The following OSCP1 variants were observed in gnomAD, a reference collection of about 807,000 sequenced individuals.
OSCP1 encodes organic solute carrier partner 1.
OSCP1 carries 35 observed loss-of-function variants against 45.1 expected under a neutral mutation model. The observed-to-expected ratio is 0.78, with a 90% CI of 0.59 to 1.03. The LOEUF (loss-of-function observed/expected upper bound fraction) is 1.03. Among genes scored for constraint, OSCP1 ranks in the 50% least tolerant of loss-of-function variants. OSCP1 has a pLI of 0.00. For synonymous variants in OSCP1, 179 were observed against 180.1 expected (o/e 0.99, Z 0.05); for missense variants, 400 against 470.7 (o/e 0.85, Z 1.39).
Position 36,418,155 on chromosome 1 carries a change from A to C in OSCP1, c.1124T>G (p.Met375Arg). The C allele has an allele frequency of 6.2e-7, 1 of 1,614,122 alleles. No individual in the cohort carries two copies. The highest frequency in any genetic ancestry group is 8.5e-7 in the Non-Finnish European group (1 of 1,179,980). ...TCAGAACAGCTATAACTCATCCATC[A>C]TGGCGAGCAAATCGTCCCCTTTGCT... ...STSKGDDLLA[M>R]MDEL is the part of the protein sequence containing the mutation. Residue 375 changes from methionine (M) to arginine (R), a missense_variant, in exon 10 of 10, where the codon ATG becomes AGG. Met to Arg is a moderately conservative substitution (Grantham distance 91). Transcript: ENST00000235532.
At chr1:36,420,354 G>A in intron 8 of OSCP1, 122 bp downstream of exon 8, 2 of 1,182,528 alleles carry the variant, frequency 1.7e-6, no homozygotes, top group Non-Finnish European at 2.4e-6. Flanking sequence ...AAATTTGTTG[G>A]TATTTTATTT....
intron 2 of OSCP1, among the ~76,000 whole-genome samples, chr1:36,436,526 C>G (rs1648754478): frequency 6.6e-6 from 1 of 152,154 alleles, no homozygotes; most frequent in Non-Finnish European, 1.5e-5. Flanking sequence ...CAGGCATACG[C>G]CATTACACCT....
At chr1:36,445,813 C>A (rs1649487153) in intron 1 of OSCP1, among the ~76,000 whole-genome samples, 1 of 152,052 alleles carries the variant, frequency 6.6e-6, no homozygotes, top group African/African-American at 2.4e-5. Context: ...TTCCCAGGTT[C>A]AAGCGATTCT....
intron 9 of OSCP1, 143 bp from the exon 10 acceptor site, chr1:36,418,398 C>T: frequency 1.5e-6 from 1 of 674,564 alleles, no homozygotes. Context: ...ATTGTAGTTA[C>T]AGGCTGATCA....
intron 4 of OSCP1, 50 bp from the exon 5 acceptor site, chr1:36,423,516 C>T (rs1223447747): frequency 2.1e-6 from 3 of 1,415,676 alleles, no homozygotes; most frequent in Non-Finnish European, 9.9e-7. Context: ...TTTTCATAGA[C>T]ATCAATATTC....
chr1:36,444,806 A>T (rs566701987), intron 1 of OSCP1, among the ~76,000 whole-genome samples: 15 of 152,222 alleles, frequency 9.9e-5, no homozygotes, highest in Non-Finnish European at 2.1e-4. Context: ...CAACTTGTTT[A>T]ACCTCAGTTT....
At chr1:36,444,020 C>A in intron 1 of OSCP1, 1 of 1,613,758 alleles carries the variant, frequency 6.2e-7, no homozygotes, top group African/African-American at 1.3e-5. Flanking sequence ...TTCTGTCCAC[C>A]TCTGTCCATT....
intron 9 of OSCP1, 146 bp downstream of exon 9, chr1:36,418,845 T>C: frequency 4.6e-6 from 3 of 647,878 alleles, no homozygotes; most frequent in Non-Finnish European, 8.0e-6. Context: ...TGAGAATTGC[T>C]TAAACCTGGG....
rs1220875284 is a variant in OSCP1, at chr1:36,447,103, C to A, written c.112+3155G>T. Among the ~76,000 whole-genome samples, 1 of 152,138 alleles carries A rather than the reference C, an allele frequency of 6.6e-6. No individual in the cohort carries two copies. The highest frequency in any genetic ancestry group is 2.4e-5 in the African/African-American group (1 of 41,416). Reference sequence around the variant, plus strand: ...ATCTAGAAGAAATATGATTTCCACTCAAAGCTTCGAAGAGGACTAGTTTAC... The same window carrying A: ...ATCTAGAAGAAATATGATTTCCACTAAAAGCTTCGAAGAGGACTAGTTTAC... On this transcript the variant is annotated intron_variant, in intron 1 of 9. Transcript: ENST00000235532. This position sits in a 1 kb window ranked among gnomAD's most constrained non-coding sequence, Gnocchi z 4.1.
At chr1:36,419,397 CTT>C (rs1292950408) in intron 8 of OSCP1, 1 of 303,672 alleles carries the variant, frequency 3.3e-6, no homozygotes, top group Non-Finnish European at 6.1e-6. Flanking sequence ...ACTGAAATAA[CTT>C]ATATCTGTAC....
In OSCP1 at chr1:36,423,358, T is replaced by C. The variant is rs199557347; in HGVS notation, c.620+5A>G. The stretch of plus-strand genomic sequence containing the variant: ...ACATAGCTCTGATCATTGTTGGGAA[T>C]TCACCTGATGAGTCCTGGAACTTCA... On this transcript the variant is annotated splice_donor_5th_base_variant and intron_variant, in intron 5 of 9. Transcript: ENST00000235532. 70 of 1,595,420 alleles carry C rather than the reference T, an allele frequency of 4.4e-5. No homozygotes were observed. Among genetic ancestry groups the C allele is most frequent in the Admixed American group, 3.3e-5 (2 of 59,956 alleles).
At chr1:36,439,828 A>C (rs1649012373) in intron 1 of OSCP1, among the ~76,000 whole-genome samples, 1 of 152,236 alleles carries the variant, frequency 6.6e-6, no homozygotes, top group Admixed American at 6.5e-5. Context: ...AGAAGTGTAC[A>C]AACTAAAGTG....
At chr1:36,423,243 T>C (rs1290425397) in intron 5 of OSCP1, 120 bp downstream of exon 5, 1 of 885,288 alleles carries the variant, frequency 1.1e-6, no homozygotes, top group African/African-American at 1.6e-5. Context: ...GCTGTTTTAC[T>C]GAAGAAAGAG....
At chr1:36,442,158 G>A (rs199688992) in intron 1 of OSCP1, among the ~76,000 whole-genome samples, 2 of 151,174 alleles carry the variant, frequency 1.3e-5, no homozygotes, top group East Asian at 3.9e-4. Flanking sequence ...ACCTGGGAGC[G>A]GAGGTTGTAG....
chr1:36,445,398 G>A (rs1649456593), intron 1 of OSCP1, among the ~76,000 whole-genome samples: 1 of 152,168 alleles, frequency 6.6e-6, no homozygotes, highest in South Asian at 2.1e-4. Flanking sequence ...AGTTTCTTTT[G>A]GAAACATTTG....
At position 36,450,244 on chromosome 1, in the gene OSCP1, C is replaced by A. The variant is rs747135773; in HGVS notation, c.112+14G>T. The A allele has an allele frequency of 1.4e-5, 23 of 1,607,326 alleles. No homozygotes were observed. In the African/African-American group the frequency reaches 3.0e-4, roughly 21 times the overall value. On this transcript the variant is annotated intron_variant, in intron 1 of 9. Coordinates refer to ENST00000235532, the MANE Select transcript of OSCP1 (RefSeq NM_145047.5). ...TGGCTGCGGGTCTGGCTGAGCGGGC[C>A]GGGGGCCTCTCACCTTTGCGGGCCT...
In OSCP1 at chr1:36,423,384, G is replaced by C. The variant is rs1215519694; in HGVS notation, c.599C>G (p.Thr200Ser). 6.2e-7 allele frequency: 1 copy of C among 1,612,456 alleles called. No homozygotes were observed. Among genetic ancestry groups the C allele is most frequent in the South Asian group, 1.1e-5 (1 of 91,052 alleles). Residue 200 changes from threonine to serine, a missense_variant, in exon 5 of 10, where the codon ACT (threonine) becomes AGT (serine). Coordinates refer to ENST00000235532, the MANE Select transcript of OSCP1 (RefSeq NM_145047.5). Reference protein sequence around the residue: ...LPVSGPVPWGTEVPGLIRMFN... With the variant: ...LPVSGPVPWGSEVPGLIRMFN... ...TCACCTGATGAGTCCTGGAACTTCAGTTCCCCAAGGAACAGGCCCGGACAC... is the reference window on the plus strand; with the variant it reads ...TCACCTGATGAGTCCTGGAACTTCACTTCCCCAAGGAACAGGCCCGGACAC...
chr1:36,428,335 A>G, intron 4 of OSCP1: 1 of 1,612,700 alleles, frequency 6.2e-7, no homozygotes. Flanking sequence ...TTGCCCAGGT[A>G]CAAAACTCAA....
chr1:36,430,310 G>C (rs959637315), intron 4 of OSCP1, among the ~76,000 whole-genome samples: 1 of 152,166 alleles, frequency 6.6e-6, no homozygotes, highest in African/African-American at 2.4e-5. Flanking sequence ...CAAAGTGCTA[G>C]GATTACAGGC....
Sources: allele counts gnomAD v4.1 joint callset (sites outside exome capture counted in the v4.1 genomes callset), GRCh38; gene constraint gnomAD v4.1.1; non-coding constraint Gnocchi (gnomAD v3.1); transcripts MANE v1.5; gene names NCBI Gene and HGNC (gene_info 2026-07-23, HGNC 2026-07-21).